ELAVL2: variants seen among roughly 807,000 people sequenced by gnomAD.
The protein encoded by ELAVL2 is ELAV like RNA binding protein 2.
In ELAVL2, 4 loss-of-function variants were observed where a neutral mutation model predicts 34.6. The ratio of observed to expected loss-of-function variants is 0.12; its 90% CI spans 0.06 to 0.26. The LOEUF (loss-of-function observed/expected upper bound fraction) is 0.26. Ranked by LOEUF, ELAVL2 falls within the 10% of genes least tolerant of loss-of-function variation. ELAVL2 has a pLI of 1.00. For missense variants in ELAVL2, 432 were observed against 442.8 expected, an observed-to-expected ratio of 0.98 and a Z score of 0.22; for synonymous variants, 193 against 154.8, an observed-to-expected ratio of 1.25 and a Z score of -1.83.
chr9:23,786,078 GGACATTTGA>G (rs1188055459), intron 1 of ELAVL2, among the ~76,000 whole-genome samples: 1 of 152,074 alleles, frequency 6.6e-6, no homozygotes, highest in Non-Finnish European at 1.5e-5. Context: ...GTCTATCCAA[GGACATTTGA>G]AACATTTGTG....
chr9:23,785,588 T>C (rs961512434), intron 1 of ELAVL2, among the ~76,000 whole-genome samples: 5 of 152,182 alleles, frequency 3.3e-5, no homozygotes, highest in African/African-American at 1.2e-4. Flanking sequence ...CCCCTTCAAA[T>C]TGAAGCCACT....
intron 1 of ELAVL2, among the ~76,000 whole-genome samples, chr9:23,802,893 T>C (rs2061741946): frequency 6.6e-6 from 1 of 152,130 alleles, no homozygotes; most frequent in African/African-American, 2.4e-5. Flanking sequence ...ATGTAATGGG[T>C]TTGCTATTTA....
At chr9:23,750,472 G>C (rs569044203) in intron 2 of ELAVL2, among the ~76,000 whole-genome samples, 44 of 152,236 alleles carry the variant, frequency 2.9e-4, no homozygotes, top group African/African-American at 9.6e-4. Context: ...GTATAACATT[G>C]TTAGATTTTA....
intron 3 of ELAVL2, among the ~76,000 whole-genome samples, chr9:23,730,142 G>A (rs1399257743): frequency 1.3e-5 from 2 of 152,038 alleles, no homozygotes; most frequent in African/African-American, 4.8e-5. Context: ...GGCAGGAGAG[G>A]GCAAATTGAT....
In ELAVL2 at chr9:23,705,081, G is replaced by A; in HGVS notation, c.334-10C>T. 6.2e-7 allele frequency: 1 copy of A among 1,613,816 alleles called. No homozygotes were observed. On this transcript the variant is annotated splice_polypyrimidine_tract_variant and intron_variant, in intron 3 of 6. Coordinates refer to ENST00000397312, the MANE Select transcript of ELAVL2 (RefSeq NM_004432.5). ...GGCGAGCATAGGAAACCTGGAAAAG[G>A]AAAATAAAATTAAATGTATATGCAT...
At chr9:23,773,458 T>C (rs1406806383) in intron 1 of ELAVL2, among the ~76,000 whole-genome samples, 2 of 152,178 alleles carry the variant, frequency 1.3e-5, no homozygotes, top group Admixed American at 1.3e-4. Context: ...ATCATTCAAG[T>C]AAAGCACATT....
At chr9:23,799,465 T>A (rs2061336798) in intron 1 of ELAVL2, among the ~76,000 whole-genome samples, 1 of 152,236 alleles carries the variant, frequency 6.6e-6, no homozygotes, top group Admixed American at 6.5e-5. Flanking sequence ...GATTTTGTAC[T>A]CTTACTCCAC....
chr9:23,809,344 G>C (rs1037930410), intron 1 of ELAVL2, among the ~76,000 whole-genome samples: 2 of 152,152 alleles, frequency 1.3e-5, no homozygotes, highest in Non-Finnish European at 2.9e-5. Context: ...TTGGCATGAA[G>C]CTATTTCAGC....
intron 1 of ELAVL2, among the ~76,000 whole-genome samples, chr9:23,790,995 C>T (rs141846190): frequency 4.7e-4 from 72 of 152,300 alleles, no homozygotes; most frequent in Admixed American, 1.6e-3. Context: ...CTCTTGACAT[C>T]TGTGGCAAAA....
intron 2 of ELAVL2, among the ~76,000 whole-genome samples, chr9:23,758,070 C>A (rs1588159809): frequency 6.6e-6 from 1 of 152,016 alleles, no homozygotes; most frequent in East Asian, 1.9e-4. Flanking sequence ...CGCACATGCT[C>A]CTACAAAATC....
intron 1 of ELAVL2, among the ~76,000 whole-genome samples, chr9:23,777,127 T>A (rs1024025424): frequency 6.6e-6 from 1 of 152,210 alleles, no homozygotes; most frequent in Non-Finnish European, 1.5e-5. Flanking sequence ...TAACTGTTGA[T>A]AAAACTTTCA....
At chr9:23,785,838 G>C (rs2059612583) in intron 1 of ELAVL2, among the ~76,000 whole-genome samples, 1 of 152,188 alleles carries the variant, frequency 6.6e-6, no homozygotes, top group Admixed American at 6.5e-5. Flanking sequence ...TAGAGGAAGA[G>C]ACACTGGGTC....
chr9:23,712,460 C>A (rs540526170), intron 3 of ELAVL2, among the ~76,000 whole-genome samples: 1 of 152,112 alleles, frequency 6.6e-6, no homozygotes, highest in Admixed American at 6.6e-5. Context: ...ATCAAAAAAA[C>A]TGTCTTAGGA....
At chr9:23,828,703 A>G (rs2065406740), upstream of ELAVL2, among the ~76,000 whole-genome samples, 1 of 152,146 alleles carries the variant, frequency 6.6e-6, no homozygotes, top group South Asian at 2.1e-4. Context: ...TATGTAGGTG[A>G]GATGGACTTA....
At chr9:23,714,641 C>T (rs16923645) in intron 3 of ELAVL2, among the ~76,000 whole-genome samples, 7,110 of 152,114 alleles carry the variant, frequency 0.047, 530 homozygotes, top group African/African-American at 0.16. Flanking sequence ...GCCAGTAAAA[C>T]GTAAAATGAG....
intron 1 of ELAVL2, chr9:23,821,915 G>T (rs2064839560): frequency 6.6e-6 from 1 of 151,176 alleles, no homozygotes. Context: ...CGAGTTCGCG[G>T]CGCCGCGGCC....
At chr9:23,708,638 G>GCTTT (rs1175314090) in intron 3 of ELAVL2, among the ~76,000 whole-genome samples, 1 of 152,164 alleles carries the variant, frequency 6.6e-6, no homozygotes, top group East Asian at 1.9e-4. Context: ...TTAGTTAAAA[G>GCTTT]TTATTCCACT....
intron 1 of ELAVL2, among the ~76,000 whole-genome samples, chr9:23,806,810 C>G (rs894861057): frequency 6.6e-6 from 1 of 152,078 alleles, no homozygotes; most frequent in Admixed American, 6.6e-5. Flanking sequence ...AGTTGTTACC[C>G]CAAGTGCCCA....
At chr9:23,708,306 A>G (rs558835209) in intron 3 of ELAVL2, among the ~76,000 whole-genome samples, 5 of 152,328 alleles carry the variant, frequency 3.3e-5, no homozygotes, top group Admixed American at 1.3e-4. Context: ...ACAAACTACA[A>G]TATTTTGTCT....
Sources: gnomAD v4.1 joint callset for allele counts (sites outside exome capture counted in the v4.1 genomes callset) on GRCh38, gnomAD v4.1.1 for gene constraint, MANE v1.5 for transcripts, NCBI Gene and HGNC (gene_info 2026-07-23, HGNC 2026-07-21) for gene names.